Variants in MYT1L observed in about 807,000 individuals in gnomAD.
The protein encoded by MYT1L is myelin transcription factor 1 like.
MYT1L carries 12 observed loss-of-function variants against 126.7 expected under a neutral mutation model. That is an observed-to-expected ratio of 0.09 (90% confidence interval 0.06 to 0.15). MYT1L has a LOEUF of 0.15. Among genes scored for constraint, MYT1L ranks in the 10% least tolerant of loss-of-function variants. The pLI is 1.00. For synonymous variants in MYT1L, 541 were observed against 604.2 expected, an observed-to-expected ratio of 0.90 and a Z score of 1.53; for missense variants, 979 against 1,585.2, an observed-to-expected ratio of 0.62 and a Z score of 6.49.
At chr2:2,067,328 A>G (rs1003325227) in intron 3 of MYT1L, among the ~76,000 whole-genome samples, 2 of 152,236 alleles carry the variant, frequency 1.3e-5, no homozygotes, top group African/African-American at 2.4e-5. Context: ...ACAAGATTAA[A>G]AATACATATA....
At position 1,854,667 on chromosome 2, in the gene MYT1L, C is replaced by G. The variant is rs540913018; in HGVS notation, c.2712-2964G>C. Among the ~76,000 whole-genome samples, 3 of 152,320 alleles carry G rather than the reference C, an allele frequency of 2.0e-5. No individual in the cohort carries two copies. In the East Asian group the frequency reaches 5.8e-4, roughly 29 times the overall value. On this transcript the variant is annotated intron_variant, in intron 18 of 24. Coordinates refer to ENST00000647738, the MANE Select transcript of MYT1L (RefSeq NM_001303052.2). The stretch of plus-strand genomic sequence containing the variant: ...AAAAAATCATTGGAAGGAGGCTTTT[C>G]TCTCTTAAAAGGATTGTTCTCATTT...
At chr2:2,081,852 G>A (rs746879533) in intron 3 of MYT1L, among the ~76,000 whole-genome samples, 3 of 152,104 alleles carry the variant, frequency 2.0e-5, no homozygotes, top group Non-Finnish European at 4.4e-5. Flanking sequence ...CGATTCTCCT[G>A]CCTCAGCCTC....
intron 4 of MYT1L, among the ~76,000 whole-genome samples, chr2:2,008,490 A>C (rs1336461249): frequency 6.6e-6 from 1 of 152,196 alleles, no homozygotes; most frequent in African/African-American, 2.4e-5. Flanking sequence ...GTTGTTTTGA[A>C]AAATGTCTGT....
At chr2:1,798,077 T>C (rs535686923) in intron 23 of MYT1L, among the ~76,000 whole-genome samples, 53 of 36,126 alleles carry the variant, frequency 1.5e-3, no homozygotes, top group East Asian at 3.1e-3. Context: ...GCGGTCTCCC[T>C]CCATCCGGCA....
intron 2 of MYT1L, among the ~76,000 whole-genome samples, chr2:2,195,601 C>T (rs2092764781): frequency 6.6e-6 from 1 of 152,046 alleles, no homozygotes; most frequent in Non-Finnish European, 1.5e-5. Context: ...AAAATAACAA[C>T]CAATAGAAAC....
chr2:2,239,085 C>T (rs937050598), intron 2 of MYT1L, among the ~76,000 whole-genome samples: 4 of 152,240 alleles, frequency 2.6e-5, no homozygotes, highest in Non-Finnish European at 2.9e-5. Flanking sequence ...CTCACTTAGT[C>T]TCTTACTTGA....
At chr2:1,849,278 C>T (rs1486070036) in intron 19 of MYT1L, among the ~76,000 whole-genome samples, 4 of 152,120 alleles carry the variant, frequency 2.6e-5, no homozygotes, top group Admixed American at 1.3e-4. Context: ...ACCAAGACAT[C>T]GCTTTTCTAA....
intron 3 of MYT1L, among the ~76,000 whole-genome samples, chr2:2,157,169 T>G (rs778356178): frequency 6.6e-6 from 1 of 152,224 alleles, no homozygotes; most frequent in Non-Finnish European, 1.5e-5. Flanking sequence ...ACCTACTGTC[T>G]AAAATTGTAA....
chr2:1,829,300 C>A (rs2039790284), intron 21 of MYT1L, among the ~76,000 whole-genome samples: 2 of 146,786 alleles, frequency 1.4e-5, no homozygotes, highest in South Asian at 2.3e-4. Context: ...TGTGAACTGA[C>A]CCTCCCATAC....
At chr2:2,197,816 C>T (rs964490541) in intron 2 of MYT1L, among the ~76,000 whole-genome samples, 1 of 151,186 alleles carries the variant, frequency 6.6e-6, no homozygotes, top group Admixed American at 6.6e-5. Context: ...TACACACATG[C>T]ACACACACAC....
intron 2 of MYT1L, among the ~76,000 whole-genome samples, chr2:2,208,335 T>C (rs1351877053): frequency 6.6e-6 from 1 of 152,180 alleles, no homozygotes; most frequent in Admixed American, 6.5e-5. Context: ...GCGGTAAACG[T>C]GTCTGGTTTG....
chr2:1,800,800 G>A (rs575013611), intron 23 of MYT1L, among the ~76,000 whole-genome samples: 13 of 152,102 alleles, frequency 8.5e-5, no homozygotes, highest in Admixed American at 7.9e-4. Flanking sequence ...CCAGTTCTCG[G>A]GGCTCATTCC....
intron 2 of MYT1L, among the ~76,000 whole-genome samples, chr2:2,202,669 T>C (rs954557809): frequency 5.9e-5 from 9 of 152,202 alleles, no homozygotes; most frequent in Non-Finnish European, 1.2e-4. Flanking sequence ...CCAGATGGAT[T>C]CACAGCCGAA....
chr2:2,116,698 C>A (rs1223176549), intron 3 of MYT1L, among the ~76,000 whole-genome samples: 1 of 152,250 alleles, frequency 6.6e-6, no homozygotes, highest in Non-Finnish European at 1.5e-5. Flanking sequence ...CCATATAGGT[C>A]TCTTGGAAGA....
intron 3 of MYT1L, among the ~76,000 whole-genome samples, chr2:2,093,509 T>C (rs2077113017): frequency 6.6e-6 from 1 of 152,208 alleles, no homozygotes; most frequent in Non-Finnish European, 1.5e-5. Flanking sequence ...TGTCTGTTCA[T>C]ATCCTTTGCC....
chr2:1,909,810 T>C (rs1484324976), intron 13 of MYT1L, among the ~76,000 whole-genome samples: 1 of 152,190 alleles, frequency 6.6e-6, no homozygotes, highest in African/African-American at 2.4e-5. Context: ...TCCACACGTG[T>C]GCACAGGGTG....
In MYT1L at chr2:1,797,842, GCATCCGGCACAGGCGCGGCGGTCTCCCCC is replaced by G. The variant is rs1558582962; in HGVS notation, c.3276+3825_3276+3853del. 5.6e-4 allele frequency among the ~76,000 whole-genome samples: 84 copies of G among 151,130 alleles called. 3 individuals are homozygous for G. Among genetic ancestry groups the G allele is most frequent in the African/African-American group, 9.5e-4 (39 of 41,072 alleles). On this transcript the variant is annotated intron_variant, in intron 23 of 24. Coordinates refer to ENST00000647738, the MANE Select transcript of MYT1L (RefSeq NM_001303052.2). ...GAGAGTGGCAGGAGAGGCCTTTCCT[GCATCCGGCACAGGCGCGGCGGTCTCCCCC>G]CATCCGGCACAGGCGCGGCGGTCTC...
chr2:2,033,225 G>C (rs1280553758), intron 4 of MYT1L, among the ~76,000 whole-genome samples: 1 of 144,506 alleles, frequency 6.9e-6, no homozygotes, highest in African/African-American at 2.6e-5. Flanking sequence ...CTGTCGCCCA[G>C]AGCAGATTCT....
chr2:2,188,074 G>C (rs571364915), intron 2 of MYT1L, among the ~76,000 whole-genome samples: 10 of 152,076 alleles, frequency 6.6e-5, no homozygotes, highest in Non-Finnish European at 1.5e-4. Flanking sequence ...TAACATCTTT[G>C]AATAAAGCCT....
Sources: gnomAD v4.1 joint callset for allele counts (sites outside exome capture counted in the v4.1 genomes callset) on GRCh38, gnomAD v4.1.1 for gene constraint, MANE v1.5 for transcripts, NCBI Gene and HGNC (gene_info 2026-07-23, HGNC 2026-07-21) for gene names.